ZSWIM8: variants seen among roughly 807,000 people sequenced by gnomAD.
ZSWIM8 encodes the protein zinc finger SWIM domain-containing protein 8.
A neutral mutation model predicts 173.7 loss-of-function variants in ZSWIM8; 27 were observed. The observed-to-expected ratio is 0.16, with a 90% confidence interval of 0.11 to 0.21. The LOEUF is 0.21. Ranked by LOEUF, ZSWIM8 falls within the 10% of genes least tolerant of loss-of-function variation. The pLI is 1.00. For missense variants in ZSWIM8, 1,627 were observed against 2,428.8 expected (o/e 0.67, Z 6.94); for synonymous variants, 958 against 962.0 (o/e 1.00, Z 0.08).
Position 73,791,753 on chromosome 10 carries a change from A to T in ZSWIM8, c.1320-106A>T. On this transcript the variant is annotated intron_variant, in intron 9 of 25. Transcript: ENST00000604729. This position sits in a 1 kb window ranked among gnomAD's most constrained non-coding sequence, Gnocchi z 6.0. Reference sequence around the variant, plus strand: ...TGCTTATGGGGCTGGGTCAAGAAGTACTTTCCTGTATCCTTTCCCCATGCC... The same window carrying T: ...TGCTTATGGGGCTGGGTCAAGAAGTTCTTTCCTGTATCCTTTCCCCATGCC... 1 of 1,399,534 alleles carries T rather than the reference A, an allele frequency of 7.1e-7. No individual in the cohort carries two copies. Among genetic ancestry groups the T allele is most frequent in the Non-Finnish European group, 9.4e-7 (1 of 1,058,664 alleles). The allele number at this position is 1,399,534 out of a possible 1,614,324, so 86.7% of individuals were successfully genotyped here.
chr10:73,797,147 A>T lies in ZSWIM8; in HGVS notation c.3309A>T (p.Pro1103=). ...SSPHSPCEGL[P]SEAALTPRPE... Reference sequence around the variant, plus strand: ...CACATTCCCCCTGTGAGGGTCTTCCATCTGAGGCAGCTTTGACCCCAAGGC... The same window carrying T: ...CACATTCCCCCTGTGAGGGTCTTCCTTCTGAGGCAGCTTTGACCCCAAGGC... The change falls in exon 17 of 26, where the codon CCA becomes CCT. Residue 1103 remains proline (P), a synonymous_variant. Coordinates refer to ENST00000604729, the MANE Select transcript of ZSWIM8 (RefSeq NM_001367799.1). This position sits in a 1 kb window ranked among gnomAD's most constrained non-coding sequence, Gnocchi z 5.6. The T allele has an allele frequency of 6.2e-7, 1 of 1,613,718 alleles. No individual in the cohort carries two copies. Among genetic ancestry groups the T allele is most frequent in the Non-Finnish European group, 8.5e-7 (1 of 1,179,772 alleles).
At position 73,799,463 on chromosome 10, in the gene ZSWIM8, C is replaced by T. The variant is rs368609799; in HGVS notation, c.4638C>T (p.Phe1546=). Residue 1546 remains phenylalanine (F), a synonymous_variant, in exon 21 of 26, where the codon TTC becomes TTT. Coordinates refer to ENST00000604729, the MANE Select transcript of ZSWIM8 (RefSeq NM_001367799.1). Reference sequence around the variant, plus strand: ...CTCACATGCCCCGGCCTGCCGTCTTCCCTGTGCCCAGCTCTGCATACCCAC... The same window carrying T: ...CTCACATGCCCCGGCCTGCCGTCTTTCCTGTGCCCAGCTCTGCATACCCAC... ...PMPHMPRPAV[F]PVPSSAYPQG... The T allele has an allele frequency of 1.8e-5, 29 of 1,599,930 alleles. No individual in the cohort carries two copies. The South Asian group carries it at 2.8e-4, about 16-fold the overall frequency.
At position 73,800,080 on chromosome 10, in the gene ZSWIM8, G is replaced by A. The variant is rs1338993025; in HGVS notation, c.4735G>A (p.Ala1579Thr). ...SVTPPSLAATAVSFPVPSMAP... is the reference protein window; with the variant it reads ...SVTPPSLAATTVSFPVPSMAP... ...GACTCCTCCCTCACTTGCTGCCACTGCTGTGTCTTTCCCCGTTCCTTCCAT... is the reference window on the plus strand; with the variant it reads ...GACTCCTCCCTCACTTGCTGCCACTACTGTGTCTTTCCCCGTTCCTTCCAT... Residue 1579 changes from alanine to threonine, a missense_variant, in exon 22 of 26, where the codon GCT becomes ACT. Transcript: ENST00000604729. This position sits in a 1 kb window ranked among gnomAD's most constrained non-coding sequence, Gnocchi z 4.1. 2.5e-6 allele frequency: 4 copies of A among 1,613,690 alleles called. No individual in the cohort carries two copies. The African/African-American group carries it at 4.0e-5, about 16-fold the overall frequency.
rs118159663 is a variant in ZSWIM8, at chr10:73,794,281, G to C, written c.2760G>C (p.Val920=). ...GGACACTCTGTGACTATCGGCCTGT[G>C]TTGCCTCTCATGCTGGCCAGTTTCA... is the stretch of plus-strand genomic sequence containing the variant. ...REGTLCDYRP[V]LPLMLASFIF... is the part of the protein sequence containing the mutation. Residue 920 remains valine (V), a synonymous_variant, in exon 13 of 26, where the codon GTG becomes GTC. Transcript: ENST00000604729. The C allele has an allele frequency of 1.2e-6, 2 of 1,613,916 alleles. No homozygotes were observed. The highest frequency in any genetic ancestry group is 2.7e-5 in the African/African-American group (2 of 74,936).
At chr10:73,794,483 G>A (rs1183482311) in intron 13 of ZSWIM8, 58 bp from the exon 14 acceptor site, 22 of 1,571,554 alleles carry the variant, frequency 1.4e-5, no homozygotes, top group East Asian at 2.3e-5. Flanking sequence ...GGGTTCCCCT[G>A]TATTTTTTCC....
rs759980963 is a variant in ZSWIM8 at position 73,793,887 on chromosome 10, C to T, written c.2468C>T (p.Thr823Met). 5 of 1,610,432 alleles carry T rather than the reference C, an allele frequency of 3.1e-6. No homozygotes were observed. Among genetic ancestry groups the T allele is most frequent in the East Asian group, 2.2e-5 (1 of 44,870 alleles). ...PAKGKKNKVS[T>M]SRQTWVATNT... ...TAGGGCAAGAAGAACAAGGTATCCA[C>T]GAGCCGTCAGACCTGGGTGGCTACC... Residue 823 changes from threonine to methionine, a missense_variant, in exon 12 of 26, where the codon ACG becomes ATG. By Grantham distance (81) the Thr-to-Met change is moderately conservative. Around this residue, in one of 18 missense-constraint regions of ZSWIM8, gnomAD observed 169 missense variants for 235.3 expected, o/e 0.72. Coordinates refer to ENST00000604729, the MANE Select transcript of ZSWIM8 (RefSeq NM_001367799.1).
chr10:73,791,870 T>C lies in ZSWIM8; in HGVS notation c.1331T>C (p.Leu444Pro). ...CCTTGTTCCCACAGGCGCCGGGAAC[T>C]GTGTACGCAGCTGCGGCAGTGGCAA... ...PALSPQRRRE[L>P]CTQLRQWQLK... Residue 444 changes from leucine to proline, a missense_variant, in exon 10 of 26, where the codon CTG (leucine) becomes CCG (proline). Around this residue, in one of 18 missense-constraint regions of ZSWIM8, gnomAD observed 103 missense variants for 155.6 expected, o/e 0.66. Transcript: ENST00000604729. This position sits in a 1 kb window ranked among gnomAD's most constrained non-coding sequence, Gnocchi z 6.0. 6.6e-7 allele frequency: 1 copy of C among 1,520,988 alleles called. No homozygotes were observed. The highest frequency in any genetic ancestry group is 8.9e-7 in the Non-Finnish European group (1 of 1,126,860). 94.2% of individuals were successfully genotyped at this position (1,520,988 alleles called of 1,614,324 possible). A position where few individuals can be genotyped will look rare whatever the true frequency, so the allele number is the denominator to read the frequency against.
chr10:73,791,746 A>G lies in ZSWIM8; in HGVS notation c.1320-113A>G, dbSNP rs945902513. ...TCAGTGATGCTTATGGGGCTGGGTC[A>G]AGAAGTACTTTCCTGTATCCTTTCC... On this transcript the variant is annotated intron_variant, in intron 9 of 25. Coordinates refer to ENST00000604729, the MANE Select transcript of ZSWIM8 (RefSeq NM_001367799.1). The surrounding 1 kb of genome is among the most constrained non-coding windows in gnomAD (Gnocchi z 6.0). 5.0e-6 allele frequency: 7 copies of G among 1,387,290 alleles called. No individual in the cohort carries two copies. The highest frequency in any genetic ancestry group is 6.7e-6 in the Non-Finnish European group (7 of 1,049,200). 85.9% of individuals were successfully genotyped at this position (1,387,290 alleles called of 1,614,324 possible). A position where few individuals can be genotyped will look rare whatever the true frequency, so the allele number is the denominator to read the frequency against.
At position 73,792,900 on chromosome 10, in the gene ZSWIM8, G is replaced by T; in HGVS notation, c.2313+48G>T. Reference sequence around the variant, plus strand: ...GGCTGGGTGCTCCTTAGCCACAACTGGGAGGGGCTATCTAGCTCTAGTTGG... The same window carrying T: ...GGCTGGGTGCTCCTTAGCCACAACTTGGAGGGGCTATCTAGCTCTAGTTGG... On this transcript the variant is annotated intron_variant, in intron 10 of 25. Coordinates refer to ENST00000604729, the MANE Select transcript of ZSWIM8 (RefSeq NM_001367799.1). This position sits in a 1 kb window ranked among gnomAD's most constrained non-coding sequence, Gnocchi z 4.3. 6.6e-7 allele frequency: 1 copy of T among 1,506,706 alleles called. No individual in the cohort carries two copies. The highest frequency in any genetic ancestry group is 1.3e-5 in the South Asian group (1 of 76,812). 93.3% of individuals were successfully genotyped at this position (1,506,706 alleles called of 1,614,324 possible).
At position 73,797,747 on chromosome 10, in the gene ZSWIM8, C is replaced by G. The variant is rs1186317428; in HGVS notation, c.3663-34C>G. 1.9e-6 allele frequency: 3 copies of G among 1,594,036 alleles called. No homozygotes were observed. Among genetic ancestry groups the G allele is most frequent in the Admixed American group, 1.7e-5 (1 of 57,914 alleles). On this transcript the variant is annotated intron_variant, in intron 18 of 25. Coordinates refer to ENST00000604729, the MANE Select transcript of ZSWIM8 (RefSeq NM_001367799.1). This position sits in a 1 kb window ranked among gnomAD's most constrained non-coding sequence, Gnocchi z 5.6. The stretch of plus-strand genomic sequence containing the variant: ...ACCCGGATGCCCATTTCAAAGAAAC[C>G]CCAACCCCCGTCCCTACCCCATTGC...
intron 1 of ZSWIM8, chr10:73,786,660 T>C (rs2083238433): frequency 6.6e-6 from 1 of 152,288 alleles, no homozygotes; most frequent in Non-Finnish European, 1.5e-5. Flanking sequence ...AAAATAGAGG[T>C]GAACTGGCCT....
At chr10:73,799,957 C>A in intron 21 of ZSWIM8, 54 bp from the exon 22 acceptor site, 16 of 1,572,480 alleles carry the variant, frequency 1.0e-5, no homozygotes, top group Non-Finnish European at 1.4e-5. Flanking sequence ...TGAAGCACGA[C>A]AGCAACATCC....
At chr10:73,798,580 C>G (rs1478624037) in intron 20 of ZSWIM8, 127 bp downstream of exon 20, 2 of 843,068 alleles carry the variant, frequency 2.4e-6, no homozygotes, top group Non-Finnish European at 3.6e-6. Flanking sequence ...TTGGTCCTCT[C>G]ATGGCAACAT....
In ZSWIM8 at chr10:73,789,862, G is replaced by A. The variant is rs527798151; in HGVS notation, c.738+38G>A. On this transcript the variant is annotated intron_variant, in intron 5 of 25. Coordinates refer to ENST00000604729, the MANE Select transcript of ZSWIM8 (RefSeq NM_001367799.1). The surrounding 1 kb of genome is among the most constrained non-coding windows in gnomAD (Gnocchi z 6.8). ...GGCACCCCCTCCTGCAATTAGCTCCGGGCCAGGCCGCATAACAGCCTTCCT... is the reference window on the plus strand; with the variant it reads ...GGCACCCCCTCCTGCAATTAGCTCCAGGCCAGGCCGCATAACAGCCTTCCT... 6.9e-6 allele frequency: 11 copies of A among 1,583,272 alleles called. No individual in the cohort carries two copies. Among genetic ancestry groups the A allele is most frequent in the Admixed American group, 3.6e-5 (2 of 55,356 alleles).
In ZSWIM8 at chr10:73,792,062, G is replaced by C; in HGVS notation, c.1523G>C (p.Trp508Ser). ...ACTGACAGGAAGCTGGCACTGTGCTGGGCCCGGGCCCTGCCCTCTCGGCCA... is the reference window on the plus strand; with the variant it reads ...ACTGACAGGAAGCTGGCACTGTGCTCGGCCCGGGCCCTGCCCTCTCGGCCA... The part of the protein sequence containing the change: ...SGTDRKLALC[W>S]ARALPSRPGA... Residue 508 changes from tryptophan to serine, a missense_variant, in exon 10 of 26, where the codon TGG becomes TCG. Coordinates refer to ENST00000604729, the MANE Select transcript of ZSWIM8 (RefSeq NM_001367799.1). This position sits in a 1 kb window ranked among gnomAD's most constrained non-coding sequence, Gnocchi z 4.3. 6.5e-7 allele frequency: 1 copy of C among 1,540,110 alleles called. No individual in the cohort carries two copies. Among genetic ancestry groups the C allele is most frequent in the South Asian group, 1.2e-5 (1 of 83,798 alleles).
intron 15 of ZSWIM8, among the ~76,000 whole-genome samples, chr10:73,795,984 A>G (rs1022140564): frequency 1.4e-5 from 2 of 141,518 alleles, no homozygotes; most frequent in South Asian, 4.7e-4. Flanking sequence ...AAAAAAAAAA[A>G]GGCAAGGTAC....
chr10:73,789,797 G>A lies in ZSWIM8; in HGVS notation c.711G>A (p.Gln237=). Residue 237 remains glutamine (Q), a synonymous_variant, in exon 5 of 26, where the codon CAG becomes CAA. Transcript: ENST00000604729. This position sits in a 1 kb window ranked among gnomAD's most constrained non-coding sequence, Gnocchi z 6.8. ...GGGACCAGCTGCAAAAGTTTGCTCA[G>A]TACCTCATCAGTGAGCTCCCTCAGC... ...LQRDQLQKFA[Q]YLISELPQQI... 1 of 1,609,594 alleles carries A rather than the reference G, an allele frequency of 6.2e-7. No individual in the cohort carries two copies.
At chr10:73,794,738 C>A in intron 14 of ZSWIM8, 99 bp downstream of exon 14, 1 of 1,116,248 alleles carries the variant, frequency 9.0e-7, no homozygotes, top group Non-Finnish European at 1.3e-6. Flanking sequence ...ATGGGAAGGT[C>A]AGGATGACAT....
At chr10:73,788,229 A>G (rs2083291217) in intron 1 of ZSWIM8, among the ~76,000 whole-genome samples, 1 of 151,440 alleles carries the variant, frequency 6.6e-6, no homozygotes, top group Non-Finnish European at 1.5e-5. Flanking sequence ...ATCTAGAGTA[A>G]AAGGGATGGT....
Sources: gnomAD v4.1 joint callset for allele counts (sites outside exome capture counted in the v4.1 genomes callset) on GRCh38, gnomAD v4.1.1 for gene constraint, gnomAD v4.1.1 regional missense constraint, Gnocchi (gnomAD v3.1) non-coding constraint, MANE v1.5 for transcripts, NCBI Gene and HGNC (gene_info 2026-07-23, HGNC 2026-07-21) for gene names.